The following OTOF variants were observed in gnomAD, a reference collection of about 807,000 sequenced individuals.
OTOF encodes the protein fer-1-like family member 2.
A neutral mutation model predicts 236.8 loss-of-function variants in OTOF; 218 were observed. The observed-to-expected ratio is 0.92, with a 90% confidence interval of 0.82 to 1.03. The LOEUF is 1.03. Ranked by LOEUF, OTOF falls within the 50% of genes least tolerant of loss-of-function variation. The pLI is 0.00. For missense variants in OTOF, 2,590 were observed against 2,694.4 expected (o/e 0.96, Z 0.86); for synonymous variants, 1,041 against 1,072.5 (o/e 0.97, Z 0.57).
chr2:26,545,188 T>G (rs1217057348), intron 1 of OTOF, among the ~76,000 whole-genome samples: 1 of 152,234 alleles, frequency 6.6e-6, no homozygotes, highest in African/African-American at 2.4e-5. Flanking sequence ...ACTTTTACAT[T>G]TTAGCTATTT....
At chr2:26,522,603 G>C (rs558901602) in intron 3 of OTOF, among the ~76,000 whole-genome samples, 3 of 152,322 alleles carry the variant, frequency 2.0e-5, no homozygotes, top group African/African-American at 7.2e-5. Context: ...TGGGAGAGTG[G>C]GGCCCAGGAC....
In OTOF at chr2:26,470,920, C is replaced by A. The variant is rs145337638; in HGVS notation, c.3895-199G>T. Among the ~76,000 whole-genome samples, 41 of 152,302 alleles carry A rather than the reference C, an allele frequency of 2.7e-4. 1 individual carries two copies. In the East Asian group the frequency reaches 7.5e-3, roughly 28 times the overall value. On this transcript the variant is annotated intron_variant, in intron 31 of 46. Transcript: ENST00000272371. The surrounding 1 kb of genome is among the most constrained non-coding windows in gnomAD (Gnocchi z 4.3). ...CACAGAGTGTTGTGACCTGCCAGTG[C>A]GATCCACTCGCCCAAGCAGGACTGG...
At chr2:26,510,893 G>T (rs1572463699) in intron 5 of OTOF, 1 of 374,678 alleles carries the variant, frequency 2.7e-6, no homozygotes, top group South Asian at 2.1e-5. Flanking sequence ...CCACAGCTTC[G>T]CACGGTAGCA....
intron 5 of OTOF, among the ~76,000 whole-genome samples, chr2:26,505,694 C>T (rs950028311): frequency 2.0e-5 from 3 of 152,234 alleles, no homozygotes; most frequent in African/African-American, 7.2e-5. Context: ...ATTTTTACTG[C>T]ATCTCAGGTC....
At position 26,470,671 on chromosome 2, in the gene OTOF, C is replaced by G. The variant is rs1461302980; in HGVS notation, c.3945G>C (p.Glu1315Asp). ...TCTCGTCTGGCTCCTCCTCCTCTGG[C>G]TCCTCCGCAGTGCCCTTCTTCTTCT... Reference protein sequence around the residue: ...KKKKKKGTAEEPEEEEPDESM... With the variant: ...KKKKKKGTAEDPEEEEPDESM... Residue 1315 changes from glutamate to aspartate, a missense_variant, in exon 32 of 47, where the codon GAG (glutamate) becomes GAC (aspartate). Around this residue, in one of 2 missense-constraint regions of OTOF, gnomAD observed 1,211 missense variants for 1,352.8 expected, o/e 0.90. Transcript: ENST00000272371. The surrounding 1 kb of genome is among the most constrained non-coding windows in gnomAD (Gnocchi z 4.3). The G allele has an allele frequency of 6.2e-7, 1 of 1,614,076 alleles. No individual in the cohort carries two copies. The highest frequency in any genetic ancestry group is 8.5e-7 in the Non-Finnish European group (1 of 1,179,974).
At position 26,474,620 on chromosome 2, in the gene OTOF, C is replaced by T; in HGVS notation, c.3181G>A (p.Asp1061Asn). 1 of 1,613,366 alleles carries T rather than the reference C, an allele frequency of 6.2e-7. No homozygotes were observed. The highest frequency in any genetic ancestry group is 8.5e-7 in the Non-Finnish European group (1 of 1,180,020). ...TFAKPLVKMADEAYCPPRFPP... is the reference protein window; with the variant it reads ...TFAKPLVKMANEAYCPPRFPP... Reference sequence around the variant, plus strand: ...AAGCGGGGTGGGCAGTACGCCTCGTCTGCCATCTTCACCAGGGGTTTGGCG... The same window carrying T: ...AAGCGGGGTGGGCAGTACGCCTCGTTTGCCATCTTCACCAGGGGTTTGGCG... The change falls in exon 26 of 47, where the codon GAC (aspartate) becomes AAC (asparagine). Residue 1061 changes from aspartate to asparagine, a missense_variant. Asp to Asn is a conservative substitution (Grantham distance 23). Coordinates refer to ENST00000272371, the MANE Select transcript of OTOF (RefSeq NM_194248.3).
chr2:26,537,489 T>C (rs952383168), intron 2 of OTOF, among the ~76,000 whole-genome samples: 1 of 152,182 alleles, frequency 6.6e-6, no homozygotes, highest in South Asian at 2.1e-4. Context: ...CCCGTGTCAT[T>C]TGCACACGGG....
chr2:26,472,295 C>A, intron 30 of OTOF: 1 of 599,138 alleles, frequency 1.7e-6, no homozygotes, highest in South Asian at 1.8e-5. Flanking sequence ...CACACACATG[C>A]GCACACACAT....
chr2:26,493,154 G>T (rs1375208344), intron 9 of OTOF, among the ~76,000 whole-genome samples: 2 of 152,188 alleles, frequency 1.3e-5, no homozygotes, highest in Non-Finnish European at 2.9e-5. Context: ...GGGCTGGAGG[G>T]GTCCTGAGCA....
intron 1 of OTOF, among the ~76,000 whole-genome samples, chr2:26,546,753 T>TG (rs1667343140): frequency 1.3e-5 from 2 of 152,084 alleles, no homozygotes; most frequent in South Asian, 2.1e-4. Flanking sequence ...GTTTGGTTTT[T>TG]TTTTTTTTTT....
intron 5 of OTOF, among the ~76,000 whole-genome samples, chr2:26,514,552 G>A (rs1325528532): frequency 6.6e-6 from 1 of 152,220 alleles, no homozygotes; most frequent in Non-Finnish European, 1.5e-5. Flanking sequence ...GGTTGCCTTC[G>A]TGGCTGCTAA....
rs561417069 is a variant in OTOF, at chr2:26,557,293, C to T, written c.79+1200G>A. Among the ~76,000 whole-genome samples the T allele has an allele frequency of 5.0e-4, 76 of 152,254 alleles. 1 individual carries two copies. The South Asian group carries it at 0.015, about 31-fold the overall frequency. On this transcript the variant is annotated intron_variant, in intron 1 of 46. Transcript: ENST00000272371. ...TTTAGTATAGGGGGGTCCTCTCTGC[C>T]CCCTTCTCACCACCTCGTCCCCATC...
chr2:26,477,531 T>C lies in OTOF; in HGVS notation c.2316-25A>G, dbSNP rs1665373447. 1.9e-6 allele frequency: 3 copies of C among 1,597,626 alleles called. No individual in the cohort carries two copies. The highest frequency in any genetic ancestry group is 1.7e-6 in the Non-Finnish European group (2 of 1,171,836). On this transcript the variant is annotated intron_variant, in intron 19 of 46. Transcript: ENST00000272371. The surrounding 1 kb of genome is among the most constrained non-coding windows in gnomAD (Gnocchi z 4.7). The stretch of plus-strand genomic sequence containing the variant: ...GCTGGGGGTAGGGCGAGCCGGGGTT[T>C]AGCGAGCCTGACCAGCAGGGGCTCT...
In OTOF at chr2:26,461,771, T is replaced by C; in HGVS notation, c.5458A>G (p.Thr1820Ala). The stretch of plus-strand genomic sequence containing the variant: ...AGCCGCGCGGGGATCTTGTACTCGG[T>C]CTCGTCCCAGGAGAACATGGACTCC... ...KKESMFSWDE[T>A]EYKIPARLTL... Residue 1820 changes from threonine to alanine, a missense_variant, in exon 43 of 47, where the codon ACC (threonine) becomes GCC (alanine). Around this residue, in one of 2 missense-constraint regions of OTOF, gnomAD observed 1,211 missense variants for 1,352.8 expected, o/e 0.90. Transcript: ENST00000272371. This position sits in a 1 kb window ranked among gnomAD's most constrained non-coding sequence, Gnocchi z 6.2. The C allele has an allele frequency of 6.2e-7, 1 of 1,614,148 alleles. No homozygotes were observed. Among genetic ancestry groups the C allele is most frequent in the Non-Finnish European group, 8.5e-7 (1 of 1,180,024 alleles).
chr2:26,552,533 C>T (rs1251657226), intron 1 of OTOF, among the ~76,000 whole-genome samples: 1 of 152,162 alleles, frequency 6.6e-6, no homozygotes, highest in Admixed American at 6.5e-5. Flanking sequence ...TTCCTGAGGG[C>T]TTTTGCAGGG....
At position 26,479,622 on chromosome 2, in the gene OTOF, G is replaced by A. The variant is rs1297179547; in HGVS notation, c.1944C>T (p.Ser648=). 6.2e-7 allele frequency: 1 copy of A among 1,612,662 alleles called. No individual in the cohort carries two copies. The highest frequency in any genetic ancestry group is 1.3e-5 in the African/African-American group (1 of 75,074). ...TCCGGGGCCGAGGCCGCTGGGGCCG[G>A]GACAGGCCATCAACTTCGTTCCCAT... ...GNYGNEVDGL[S]RPQRPRPRKE... The change falls in exon 17 of 47, where the codon TCC becomes TCT. Residue 648 remains serine (S), a synonymous_variant. Transcript: ENST00000272371.
chr2:26,531,891 T>C (rs1666957146), intron 2 of OTOF, among the ~76,000 whole-genome samples: 2 of 151,946 alleles, frequency 1.3e-5, no homozygotes, highest in South Asian at 4.1e-4. Flanking sequence ...GTTAGGAGTT[T>C]GATACCAGCC....
Position 26,467,464 on chromosome 2 carries a change from C to A in OTOF, c.4128G>T (p.Arg1376Ser), listed in dbSNP as rs764461086. The change falls in exon 34 of 47, where the codon AGG (arginine) becomes AGT (serine). Residue 1376 changes from arginine (R) to serine (S), a missense_variant. Arg to Ser is a moderately radical substitution (Grantham distance 110). Around this residue, in one of 2 missense-constraint regions of OTOF, gnomAD observed 1,211 missense variants for 1,352.8 expected, o/e 0.90. Coordinates refer to ENST00000272371, the MANE Select transcript of OTOF (RefSeq NM_194248.3). The part of the protein sequence containing the change: ...KGSMKGKEKA[R>S]AAKEEKKKKT... ...TCTTCTTCTTCTCCTCTTTGGCAGCCCTTGCCTTCTCCTTGCCCTTCATTG... is the reference window on the plus strand; with the variant it reads ...TCTTCTTCTTCTCCTCTTTGGCAGCACTTGCCTTCTCCTTGCCCTTCATTG... 1 of 1,613,982 alleles carries A rather than the reference C, an allele frequency of 6.2e-7. No individual in the cohort carries two copies. Among genetic ancestry groups the A allele is most frequent in the Non-Finnish European group, 8.5e-7 (1 of 1,180,028 alleles).
rs114381420 is a variant in OTOF, at chr2:26,530,328, A to T, written c.139-2408T>A. On this transcript the variant is annotated intron_variant, in intron 2 of 46. Transcript: ENST00000272371. ...CAGTTTGTTGAGTGAGAGTCGGGGG[A>T]CAGGGAGGGCACAGGAGACAGGGGG... Among the ~76,000 whole-genome samples the T allele has an allele frequency of 3.0e-3, 462 of 152,078 alleles. 2 individuals carry two copies. The highest frequency in any genetic ancestry group is 0.011 in the African/African-American group (444 of 41,474).
Sources: allele counts gnomAD v4.1 joint callset (sites outside exome capture counted in the v4.1 genomes callset), GRCh38; gene constraint gnomAD v4.1.1; regional missense constraint gnomAD v4.1.1; non-coding constraint Gnocchi (gnomAD v3.1); transcripts MANE v1.5; gene names NCBI Gene and HGNC (gene_info 2026-07-23, HGNC 2026-07-21).